Variants in CSMD2 observed in about 807,000 individuals in gnomAD.
CSMD2 encodes CUB and Sushi multiple domains 2.
CSMD2 carries 130 observed loss-of-function variants against 398.5 expected under a neutral mutation model. That is an observed-to-expected ratio of 0.33 (90% confidence interval 0.28 to 0.38). The LOEUF (loss-of-function observed/expected upper bound fraction) is 0.38. CSMD2 is among the 10% of genes least tolerant of loss of function. The pLI, the probability that CSMD2 is intolerant of heterozygous loss-of-function variation, is 1.00. For missense variants in CSMD2, 3,829 were observed against 4,764.9 expected, an observed-to-expected ratio of 0.80 and a Z score of 5.78; for synonymous variants, 1,828 against 1,908.5, an observed-to-expected ratio of 0.96 and a Z score of 1.10.
chr1:34,093,197 C>G (rs1004481328), intron 1 of CSMD2, among the ~76,000 whole-genome samples: 39 of 152,252 alleles, frequency 2.6e-4, no homozygotes, highest in African/African-American at 8.9e-4. Flanking sequence ...AGCTGAGGAT[C>G]CTGTCTGTTA....
chr1:33,744,461 TTC>T (rs925123815), intron 13 of CSMD2, among the ~76,000 whole-genome samples: 3 of 152,160 alleles, frequency 2.0e-5, no homozygotes, highest in Non-Finnish European at 4.4e-5. Flanking sequence ...CCACGTCCTG[TTC>T]TCTCTCCCCT....
At chr1:33,855,495 C>T (rs1192467317) in intron 5 of CSMD2, among the ~76,000 whole-genome samples, 1 of 152,076 alleles carries the variant, frequency 6.6e-6, no homozygotes, top group Non-Finnish European at 1.5e-5. Flanking sequence ...ATCATTTCTT[C>T]CACTTCTGTT....
rs77633101 is a variant in CSMD2 at position 33,866,929 on chromosome 1, T to C, written c.921-19933A>G. ...TTAACTGAGGTAATACATGTAAAAG[T>C]ATTTGGCACAGTCCTAAATCTAATA... is the stretch of plus-strand genomic sequence containing the variant. On this transcript the variant is annotated intron_variant, in intron 5 of 70. Coordinates refer to ENST00000373381, the MANE Select transcript of CSMD2 (RefSeq NM_001281956.2). Among the ~76,000 whole-genome samples, 996 of 152,348 alleles carry C rather than the reference T, an allele frequency of 6.5e-3. 3 individuals are homozygous for C. Among genetic ancestry groups the C allele is most frequent in the South Asian group, 0.013 (62 of 4,826 alleles).
Position 33,972,339 on chromosome 1 carries a change from G to A in CSMD2, c.518-36385C>T, listed in dbSNP as rs144946089. Among the ~76,000 whole-genome samples the A allele has an allele frequency of 3.7e-4, 56 of 152,252 alleles. 1 individual carries two copies. Among genetic ancestry groups the A allele is most frequent in the African/African-American group, 1.3e-3 (54 of 41,530 alleles). On this transcript the variant is annotated intron_variant, in intron 3 of 70. Coordinates refer to ENST00000373381, the MANE Select transcript of CSMD2 (RefSeq NM_001281956.2). ...GATGATTAATTGATTCATAGTTTTA[G>A]ATTCAACCACACTGTGGCAGGCTTA...
intron 3 of CSMD2, among the ~76,000 whole-genome samples, chr1:34,027,915 G>A (rs1266768379): frequency 6.7e-6 from 1 of 148,200 alleles, no homozygotes; most frequent in Non-Finnish European, 1.5e-5. Context: ...GGAGTCAGGA[G>A]GAGGAGGAGG....
intron 52 of CSMD2, 119 bp downstream of exon 52, chr1:33,569,255 A>T: frequency 1.8e-6 from 2 of 1,092,660 alleles, no homozygotes; most frequent in Non-Finnish European, 2.5e-6. Flanking sequence ...TGTTTGGATT[A>T]AGCATTTTAT....
At chr1:33,738,276 C>G (rs935098) in intron 15 of CSMD2, among the ~76,000 whole-genome samples, 2,631 of 152,248 alleles carry the variant, frequency 0.017, 89 homozygotes, top group African/African-American at 0.06. Context: ...GCCTTCGTCT[C>G]CTTGGATACT....
chr1:33,574,817 A>T (rs1486315849), intron 49 of CSMD2, among the ~76,000 whole-genome samples: 1 of 152,236 alleles, frequency 6.6e-6, no homozygotes, highest in Non-Finnish European at 1.5e-5. Context: ...AAAGGCTATG[A>T]GCTCCTTCAG....
At chr1:34,151,810 T>A in intron 1 of CSMD2, among the ~76,000 whole-genome samples, 1 of 62,390 alleles carries the variant, frequency 1.6e-5, no homozygotes, top group African/African-American at 6.8e-5. Context: ...CCTCCCTCCC[T>A]CCCTCCCCCC....
At chr1:33,707,019 ACTCT>A (rs1045450356) in intron 22 of CSMD2, among the ~76,000 whole-genome samples, 14 of 151,480 alleles carry the variant, frequency 9.2e-5, no homozygotes, top group African/African-American at 3.4e-4. Context: ...CCTCAGAAAG[ACTCT>A]CTCTGCTTAT....
intron 41 of CSMD2, among the ~76,000 whole-genome samples, chr1:33,608,838 G>C (rs2148828789): frequency 6.6e-6 from 1 of 152,254 alleles, no homozygotes; most frequent in South Asian, 2.1e-4. Context: ...AGAGCCATTG[G>C]ACAGTAAGTT....
rs1553207628 is a variant in CSMD2 at position 33,790,845 on chromosome 1, C to CTATCTATT, written c.1550+1577_1550+1578insAATAGATA. On this transcript the variant is annotated intron_variant, in intron 11 of 70. Transcript: ENST00000373381. ...TCTATCTATCTATCTATCTATCTAT[C>CTATCTATT]ATCTATCTATCTATCTCTATCTCCT... is the stretch of plus-strand genomic sequence containing the variant. Among the ~76,000 whole-genome samples, 140 of 128,704 alleles carry CTATCTATT rather than the reference C, an allele frequency of 1.1e-3. 1 individual carries two copies. The highest frequency in any genetic ancestry group is 1.9e-3 in the Non-Finnish European group (115 of 59,548). 84.4% of individuals were successfully genotyped at this position (128,704 alleles called of 152,430 possible).
Position 33,577,340 on chromosome 1 carries a change from G to C in CSMD2, c.7532C>G (p.Pro2511Arg). The change falls in exon 49 of 71, where the codon CCC becomes CGC. Residue 2511 changes from proline (P) to arginine (R), a missense_variant. Coordinates refer to ENST00000373381, the MANE Select transcript of CSMD2 (RefSeq NM_001281956.2). ...GHSMAICTRH[P>R]QGYHLWSEAI... ...TTCGCTCCACAGGTGGTAGCCCTGG[G>C]GGTGCCGGGTACAGATGGCCATGCT... is the stretch of plus-strand genomic sequence containing the variant. 6.2e-7 allele frequency: 1 copy of C among 1,613,832 alleles called. No individual in the cohort carries two copies. Among genetic ancestry groups the C allele is most frequent in the South Asian group, 1.1e-5 (1 of 91,024 alleles).
chr1:33,808,758 CAAAT>C (rs1026073708), intron 10 of CSMD2, among the ~76,000 whole-genome samples: 1 of 151,386 alleles, frequency 6.6e-6, no homozygotes, highest in Non-Finnish European at 1.5e-5. Context: ...GACAAATTAG[CAAAT>C]AAATATATTA....
intron 3 of CSMD2, among the ~76,000 whole-genome samples, chr1:33,940,773 G>C (rs965721956): frequency 4.6e-5 from 7 of 152,302 alleles, no homozygotes; most frequent in Admixed American, 1.3e-4. Context: ...TCTAGGCACT[G>C]CAATAAGATG....
At chr1:33,670,877 G>A (rs138300190) in intron 25 of CSMD2, among the ~76,000 whole-genome samples, 148 of 152,340 alleles carry the variant, frequency 9.7e-4, no homozygotes, top group African/African-American at 3.3e-3. Flanking sequence ...CCAAGGGTAT[G>A]AGACCAGGCC....
rs887007310 is a variant in CSMD2, at chr1:33,758,107, A to G, written c.1846+14462T>C. On this transcript the variant is annotated intron_variant, in intron 13 of 70. Transcript: ENST00000373381. ...TCTCAGTGACCTAAGGCCCTTGCCA[A>G]TCTTTTTTATTTTTCCACTCTCCCC... Among the ~76,000 whole-genome samples the G allele has an allele frequency of 4.6e-5, 7 of 152,324 alleles. No individual in the cohort carries two copies. In the South Asian group the frequency reaches 1.4e-3, roughly 32 times the overall value.
At chr1:33,585,767 C>G (rs546607111) in intron 46 of CSMD2, among the ~76,000 whole-genome samples, 9 of 152,334 alleles carry the variant, frequency 5.9e-5, no homozygotes, top group African/African-American at 2.2e-4. Context: ...TCCCCATAGG[C>G]TACTGAATAT....
intron 19 of CSMD2, among the ~76,000 whole-genome samples, chr1:33,719,624 A>G (rs1434932416): frequency 6.6e-6 from 1 of 152,172 alleles, no homozygotes; most frequent in Non-Finnish European, 1.5e-5. Context: ...ACCACATAGG[A>G]GCAGAAAGAG....
Sources: gnomAD v4.1 joint callset for allele counts (sites outside exome capture counted in the v4.1 genomes callset) on GRCh38, gnomAD v4.1.1 for gene constraint, MANE v1.5 for transcripts, NCBI Gene and HGNC (gene_info 2026-07-23, HGNC 2026-07-21) for gene names.